AP2A2: variants seen among roughly 807,000 people sequenced by gnomAD.
AP2A2 encodes AP-2 complex subunit alpha-2.
A neutral mutation model predicts 104.2 loss-of-function variants in AP2A2; 32 were observed. The ratio of observed to expected loss-of-function variants is 0.31; its 90% CI spans 0.23 to 0.41. The LOEUF (loss-of-function observed/expected upper bound fraction) is 0.41, where lower values mean the gene tolerates loss of function less well. Among genes scored for constraint, AP2A2 ranks in the 10% least tolerant of loss-of-function variants. The probability of loss-of-function intolerance (pLI) is 1.00; values close to 1 mark genes in which losing one functional copy is unlikely to be tolerated. For missense variants in AP2A2, 912 were observed against 1,261.0 expected, an observed-to-expected ratio of 0.72 and a Z score of 4.19; for synonymous variants, 539 against 533.3, an observed-to-expected ratio of 1.01 and a Z score of -0.15.
intron 1 of AP2A2, among the ~76,000 whole-genome samples, chr11:939,520 C>G (rs986902264): frequency 1.3e-5 from 2 of 151,908 alleles, no homozygotes; most frequent in African/African-American, 4.8e-5. Flanking sequence ...TCTCGGCTCA[C>G]TGCAACCTCT....
At chr11:973,368 G>A (rs1341214250) in intron 4 of AP2A2, among the ~76,000 whole-genome samples, 1 of 152,178 alleles carries the variant, frequency 6.6e-6, no homozygotes, top group African/African-American at 2.4e-5. Flanking sequence ...TCTATCAGCT[G>A]TGAGGTGAGG....
rs1368993506 is a variant in AP2A2 at position 968,189 on chromosome 11, C to T, written c.137-1980C>T. ...GCTTTCTCCTCGCGCTGGCGACTTCCGCTGCCCCTCACGGTGCTTATGCAA... is the reference window on the plus strand; with the variant it reads ...GCTTTCTCCTCGCGCTGGCGACTTCTGCTGCCCCTCACGGTGCTTATGCAA... On this transcript the variant is annotated intron_variant, in intron 2 of 21. Coordinates refer to ENST00000448903, the MANE Select transcript of AP2A2 (RefSeq NM_012305.4). This position sits in a 1 kb window ranked among gnomAD's most constrained non-coding sequence, Gnocchi z 4.2. 1.3e-5 allele frequency among the ~76,000 whole-genome samples: 2 copies of T among 152,226 alleles called. No individual in the cohort carries two copies. The highest frequency in any genetic ancestry group is 6.5e-5 in the Admixed American group (1 of 15,280).
chr11:976,471 G>C (rs1006786560), intron 4 of AP2A2, among the ~76,000 whole-genome samples: 1 of 152,144 alleles, frequency 6.6e-6, no homozygotes, highest in Non-Finnish European at 1.5e-5. Flanking sequence ...CAGGGTCCCT[G>C]TTGCCTTCCC....
chr11:960,247 CTTT>C (rs11438619), intron 2 of AP2A2, among the ~76,000 whole-genome samples: 1 of 144,028 alleles, frequency 6.9e-6, no homozygotes, highest in Non-Finnish European at 1.5e-5. Context: ...CTTTTCTTTT[CTTT>C]TTTTTTTTTT....
intron 1 of AP2A2, among the ~76,000 whole-genome samples, chr11:954,284 A>C (rs1854155113): frequency 6.6e-6 from 1 of 152,120 alleles, no homozygotes; most frequent in Non-Finnish European, 1.5e-5. Flanking sequence ...TGCTGGCCCC[A>C]AAGTTCACTC....
At chr11:939,950 A>AC (rs1157210007) in intron 1 of AP2A2, among the ~76,000 whole-genome samples, 4 of 117,782 alleles carry the variant, frequency 3.4e-5, no homozygotes, top group African/African-American at 1.3e-4. Flanking sequence ...TGTTTTGCTT[A>AC]CTTTTTTTTT....
chr11:946,915 TAAAAG>T (rs1237875959), intron 1 of AP2A2: 22 of 151,678 alleles, frequency 1.5e-4, no homozygotes, highest in Admixed American at 1.4e-3. Flanking sequence ...CGTGAAGAAA[TAAAAG>T]AACAACGGTG....
rs371827563 is a variant in AP2A2, at chr11:958,772, G to T, written c.68-665G>T. Among the ~76,000 whole-genome samples the T allele has an allele frequency of 2.2e-4, 33 of 152,242 alleles. No homozygotes were observed. The East Asian group carries it at 4.6e-3, about 21-fold the overall frequency. ...ATCTAAACCCAGCCACCTTCCAAAG[G>T]TTCCATCTTCAGATACTATGACATT... On this transcript the variant is annotated intron_variant, in intron 1 of 21. Coordinates refer to ENST00000448903, the MANE Select transcript of AP2A2 (RefSeq NM_012305.4).
At chr11:945,459 G>C (rs1002103999) in intron 1 of AP2A2, among the ~76,000 whole-genome samples, 30 of 152,098 alleles carry the variant, frequency 2.0e-4, no homozygotes, top group African/African-American at 7.0e-4. Flanking sequence ...TCAGCCTCTC[G>C]AGTAGCTGGG....
At chr11:976,848 G>C (rs1855057613) in intron 4 of AP2A2, among the ~76,000 whole-genome samples, 1 of 152,248 alleles carries the variant, frequency 6.6e-6, no homozygotes, top group Non-Finnish European at 1.5e-5. Context: ...AGCAATGTGA[G>C]CTGCATGTGG....
At chr11:933,722 G>T (rs970014722) in intron 1 of AP2A2, 1 of 449,042 alleles carries the variant, frequency 2.2e-6, no homozygotes, top group Non-Finnish European at 4.5e-6. Flanking sequence ...CCAGTGACTC[G>T]TGGGCACTCA....
At chr11:1,008,359 C>T in intron 18 of AP2A2, 1 of 584,000 alleles carries the variant, frequency 1.7e-6, no homozygotes, top group Non-Finnish European at 2.8e-6. Flanking sequence ...TGGCAGCTCC[C>T]ACATGGGGCC....
intron 15 of AP2A2, 149 bp downstream of exon 15, chr11:1,000,747 G>T: frequency 1.1e-6 from 1 of 896,202 alleles, no homozygotes; most frequent in Non-Finnish European, 1.6e-6. Flanking sequence ...CTGCTGTGTT[G>T]TGGGTGGGTT....
At chr11:927,136 G>A (rs951516199) in intron 1 of AP2A2, among the ~76,000 whole-genome samples, 1 of 152,014 alleles carries the variant, frequency 6.6e-6, no homozygotes, top group Non-Finnish European at 1.5e-5. Context: ...GTTCCATCAC[G>A]GCGCACTCAA....
chr11:1,005,659 C>T (rs1390696482), intron 16 of AP2A2, among the ~76,000 whole-genome samples: 1 of 152,182 alleles, frequency 6.6e-6, no homozygotes, highest in Non-Finnish European at 1.5e-5. Context: ...GTGAAAAACA[C>T]AGAAAGAATG....
intron 1 of AP2A2, among the ~76,000 whole-genome samples, chr11:928,704 C>G (rs938622860): frequency 1.3e-5 from 2 of 152,274 alleles, no homozygotes; most frequent in Non-Finnish European, 2.9e-5. Flanking sequence ...TTGAATAACA[C>G]AGCCCCTCCC....
intron 2 of AP2A2, among the ~76,000 whole-genome samples, chr11:961,485 G>T (rs538924024): frequency 7.1e-6 from 1 of 141,818 alleles, no homozygotes; most frequent in South Asian, 2.3e-4. Flanking sequence ...AAAAGTAAAT[G>T]GCAGAAGCAG....
At chr11:983,415 C>T (rs191341790) in intron 6 of AP2A2, among the ~76,000 whole-genome samples, 12 of 151,530 alleles carry the variant, frequency 7.9e-5, no homozygotes, top group African/African-American at 2.7e-4. Flanking sequence ...TGGAGTCTCA[C>T]TCTGTCGCCC....
chr11:935,019 C>T (rs557146642), intron 1 of AP2A2, among the ~76,000 whole-genome samples: 23 of 150,900 alleles, frequency 1.5e-4, no homozygotes, highest in South Asian at 4.2e-4. Context: ...CCACCATGCC[C>T]GGCTAATTTT....
Sources: gnomAD v4.1 joint callset for allele counts (sites outside exome capture counted in the v4.1 genomes callset) on GRCh38, gnomAD v4.1.1 for gene constraint, Gnocchi (gnomAD v3.1) non-coding constraint, MANE v1.5 for transcripts, NCBI Gene and HGNC (gene_info 2026-07-23, HGNC 2026-07-21) for gene names.